Variants in JAK1 observed in about 807,000 individuals in gnomAD.
The protein encoded by JAK1 is tyrosine-protein kinase JAK1.
In JAK1, 16 loss-of-function variants were observed where a neutral mutation model predicts 136.6. The ratio of observed to expected loss-of-function variants is 0.12; its 90% CI spans 0.08 to 0.18. JAK1 has a LOEUF of 0.18. JAK1 is among the 10% of genes least tolerant of loss of function. The probability of loss-of-function intolerance (pLI) is 1.00; values close to 1 mark genes in which losing one functional copy is unlikely to be tolerated. For missense variants in JAK1, 859 were observed against 1,450.1 expected (o/e 0.59, Z 6.62); for synonymous variants, 492 against 519.5 (o/e 0.95, Z 0.72).
At position 65,006,757 on chromosome 1, in the gene JAK1, TA is replaced by T. The variant is rs1191580233; in HGVS notation, c.-78+37722del. Among the ~76,000 whole-genome samples the T allele has an allele frequency of 7.2e-5, 11 of 152,210 alleles. No homozygotes were observed. The East Asian group carries it at 1.7e-3, about 24-fold the overall frequency. ...GTACTTACCATATTAGCTGAACCTG[TA>T]GATTCACTGAATTACGCCTTGTATA... On this transcript the variant is annotated intron_variant, in intron 2 of 25. Transcript: ENST00000671954.
chr1:64,973,621 C>CAAAAAACAAAAA (rs1646472887), intron 2 of JAK1: 1 of 63,630 alleles, frequency 1.6e-5, no homozygotes, highest in Non-Finnish European at 3.2e-5. Flanking sequence ...TCTCACTTTG[C>CAAAAAACAAAAA]AAAAAAAAAA....
chr1:64,841,712 T>A, intron 17 of JAK1, 111 bp from the exon 18 acceptor site: 1 of 1,086,744 alleles, frequency 9.2e-7, no homozygotes, highest in Non-Finnish European at 1.4e-6. Context: ...CATCTCCACT[T>A]ACAGGTAGAT....
At chr1:64,978,531 A>G (rs908617849) in intron 2 of JAK1, among the ~76,000 whole-genome samples, 5 of 152,190 alleles carry the variant, frequency 3.3e-5, no homozygotes, top group African/African-American at 1.2e-4. Flanking sequence ...AAAGCTTAAG[A>G]CATAATGAAT....
intron 2 of JAK1, among the ~76,000 whole-genome samples, chr1:65,033,472 C>T (rs1467427284): frequency 6.6e-6 from 1 of 152,054 alleles, no homozygotes; most frequent in Non-Finnish European, 1.5e-5. Context: ...CAGGTATAAG[C>T]CACCACACCT....
chr1:64,847,499 G>A, intron 13 of JAK1, 33 bp downstream of exon 13: 2 of 1,612,110 alleles, frequency 1.2e-6, no homozygotes, highest in Admixed American at 1.7e-5. Context: ...AAACGGGAGA[G>A]GGGAGGGGAG....
At chr1:64,864,018 AG>A (rs1239104339) in intron 8 of JAK1, among the ~76,000 whole-genome samples, 4 of 152,228 alleles carry the variant, frequency 2.6e-5, no homozygotes, top group Non-Finnish European at 5.9e-5. Context: ...CAGAAAGACA[AG>A]TTATTCTGAA....
intron 1 of JAK1, among the ~76,000 whole-genome samples, chr1:64,958,392 G>A (rs1646228929): frequency 6.6e-6 from 1 of 152,228 alleles, no homozygotes; most frequent in African/African-American, 2.4e-5. Flanking sequence ...CCCGTATACT[G>A]TGATTCGTGG....
At chr1:64,961,412 C>T (rs1193889123) in intron 1 of JAK1, among the ~76,000 whole-genome samples, 3 of 152,160 alleles carry the variant, frequency 2.0e-5, no homozygotes, top group African/African-American at 7.2e-5. Flanking sequence ...TCTTCATTTG[C>T]TAACGATGTT....
rs1654293555 is a variant in JAK1, at chr1:64,833,799, G to A, written c.*763C>T. The A allele has an allele frequency of 4.3e-6, 1 of 232,874 alleles. No homozygotes were observed. The highest frequency in any genetic ancestry group is 8.5e-6 in the Non-Finnish European group (1 of 117,862). 14.4% of individuals were successfully genotyped at this position (232,874 alleles called of 1,614,324 possible). ...TTAAAAGCATGTGTAATAGCATCCA[G>A]GTTCTGGGAATGAGTTCTGATTAAA... On this transcript the variant is annotated 3_prime_UTR_variant, in exon 25 of 25. Transcript: ENST00000342505.
chr1:65,009,892 G>T (rs1646834215), intron 2 of JAK1, among the ~76,000 whole-genome samples: 1 of 152,132 alleles, frequency 6.6e-6, no homozygotes. Context: ...TTTTTGTATT[G>T]ACTCCTGTGC....
At chr1:65,025,242 A>AG (rs1261165134) in intron 2 of JAK1, among the ~76,000 whole-genome samples, 1 of 152,234 alleles carries the variant, frequency 6.6e-6, no homozygotes, top group Non-Finnish European at 1.5e-5. Context: ...ACACTGATTT[A>AG]GGGGGATTCA....
intron 4 of JAK1, among the ~76,000 whole-genome samples, chr1:64,877,493 T>C (rs1377950972): frequency 6.6e-6 from 1 of 152,144 alleles, no homozygotes; most frequent in African/African-American, 2.4e-5. Context: ...AGCCAGGCAC[T>C]CAGACAACCA....
intron 1 of JAK1, among the ~76,000 whole-genome samples, chr1:64,938,533 G>A (rs1293939938): frequency 1.3e-5 from 2 of 152,188 alleles, no homozygotes; most frequent in Non-Finnish European, 2.9e-5. Flanking sequence ...TGATTGGCTT[G>A]GGCTTAATGG....
Position 64,934,120 on chromosome 1 carries a change from T to C in JAK1, c.-78+32213A>G, listed in dbSNP as rs182281183. Among the ~76,000 whole-genome samples, 21 of 121,714 alleles carry C rather than the reference T, an allele frequency of 1.7e-4. No homozygotes were observed. In the East Asian group the frequency reaches 3.7e-3, roughly 21 times the overall value. 79.8% of individuals were successfully genotyped at this position (121,714 alleles called of 152,430 possible). On this transcript the variant is annotated intron_variant, in intron 1 of 24. Transcript: ENST00000342505. ...GAGGGGACAGGGTATCTTAGGAAGC[T>C]GGAAAACATGGAGAGATGTAAAGGA...
In JAK1 at chr1:64,984,604, A is replaced by G. The variant is rs150868774; in HGVS notation, c.-78+59876T>C. 22 of 426,386 alleles carry G rather than the reference A, an allele frequency of 5.2e-5. No homozygotes were observed. The highest frequency in any genetic ancestry group is 3.9e-4 in the African/African-American group (19 of 49,256). 26.4% of individuals were successfully genotyped at this position (426,386 alleles called of 1,614,324 possible). A position where few individuals can be genotyped will look rare whatever the true frequency, so the allele number is the denominator to read the frequency against. On this transcript the variant is annotated intron_variant, in intron 2 of 25. Coordinates refer to the JAK1 transcript ENST00000671954. The surrounding 1 kb of genome is among the most constrained non-coding windows in gnomAD (Gnocchi z 4.1). ...TGGGAGGGAGGTTGAAGGAGGCATGATTTAGACATTGGTGGTGGTCTCCTT... is the reference window on the plus strand; with the variant it reads ...TGGGAGGGAGGTTGAAGGAGGCATGGTTTAGACATTGGTGGTGGTCTCCTT...
rs2101050566 is a variant in JAK1 at position 64,855,629 on chromosome 1, G to A, written c.1528C>T (p.His510Tyr). Residue 510 changes from histidine (H) to tyrosine (Y), a missense_variant, in exon 11 of 25, where the codon CAC becomes TAC. By Grantham distance (83) the His-to-Tyr change is moderately conservative (BLOSUM62 2). This residue lies in a region of JAK1 where 409 missense variants were observed against 753.8 expected (regional missense o/e 0.54). Transcript: ENST00000342505. ...CTGGGGAAGCTGCGGTCCGAACCGT[G>A]CAGACTGTAGCGGCCCTTCTGCACC... is the stretch of plus-strand genomic sequence containing the variant. ...IEVQKGRYSLHGSDRSFPSLG... is the reference protein window; with the variant it reads ...IEVQKGRYSLYGSDRSFPSLG... 6.2e-7 allele frequency: 1 copy of A among 1,614,126 alleles called. No individual in the cohort carries two copies. The highest frequency in any genetic ancestry group is 8.5e-7 in the Non-Finnish European group (1 of 1,180,020).
At chr1:64,872,821 C>T (rs1391332779) in intron 5 of JAK1, among the ~76,000 whole-genome samples, 1 of 152,154 alleles carries the variant, frequency 6.6e-6, no homozygotes, top group Non-Finnish European at 1.5e-5. Flanking sequence ...AAAATCTATA[C>T]AGTATCTAAA....
chr1:64,963,524 G>A (rs903533632), intron 1 of JAK1, among the ~76,000 whole-genome samples: 7 of 152,066 alleles, frequency 4.6e-5, no homozygotes, highest in African/African-American at 1.7e-4. Context: ...ACCATCCACA[G>A]GCGGCTTTTT....
intron 1 of JAK1, among the ~76,000 whole-genome samples, chr1:64,943,405 T>C (rs540014247): frequency 6.6e-6 from 1 of 152,320 alleles, no homozygotes; most frequent in African/African-American, 2.4e-5. Context: ...ATGCCCTTTT[T>C]ATAGAGTTTT....
Sources: gnomAD v4.1 joint callset for allele counts (sites outside exome capture counted in the v4.1 genomes callset) on GRCh38, gnomAD v4.1.1 for gene constraint, gnomAD v4.1.1 regional missense constraint, Gnocchi (gnomAD v3.1) non-coding constraint, MANE v1.5 for transcripts, NCBI Gene and HGNC (gene_info 2026-07-23, HGNC 2026-07-21) for gene names.